Variants in HECW1 observed in about 807,000 individuals in gnomAD.
HECW1 encodes the protein E3 ubiquitin-protein ligase HECW1.
In HECW1, 61 loss-of-function variants were observed where a neutral mutation model predicts 182.3. The ratio of observed to expected loss-of-function variants is 0.33; its 90% confidence interval spans 0.27 to 0.41. The LOEUF is 0.41. HECW1 is among the 10% of genes least tolerant of loss of function. HECW1 has a pLI of 1.00. For synonymous variants in HECW1, 859 were observed against 832.6 expected, an observed-to-expected ratio of 1.03 and a Z score of -0.55; for missense variants, 1,739 against 2,108.9, an observed-to-expected ratio of 0.82 and a Z score of 3.44.
chr7:43,342,904 TAGTCCC>T (rs1813182158), intron 5 of HECW1, among the ~76,000 whole-genome samples: 2 of 151,416 alleles, frequency 1.3e-5, no homozygotes, highest in Non-Finnish European at 2.9e-5. Context: ...CAGGCATCTG[TAGTCCC>T]AGCTACTCAG....
chr7:43,501,174 C>CTTTT, intron 20 of HECW1, 39 bp from the exon 21 acceptor site: 2 of 1,159,900 alleles, frequency 1.7e-6, no homozygotes, highest in Non-Finnish European at 1.2e-6. Flanking sequence ...AACTGACTTT[C>CTTTT]TTTTCTTTCT....
chr7:43,348,452 T>A (rs1813967930), intron 5 of HECW1, among the ~76,000 whole-genome samples: 1 of 152,170 alleles, frequency 6.6e-6, no homozygotes, highest in Admixed American at 6.5e-5. Flanking sequence ...TATTTATCTT[T>A]TCAAAGAACC....
At chr7:43,452,999 G>A (rs371183033) in intron 12 of HECW1, among the ~76,000 whole-genome samples, 3 of 152,190 alleles carry the variant, frequency 2.0e-5, no homozygotes, top group East Asian at 1.9e-4. Flanking sequence ...TGTGGTTAGC[G>A]AACTAGCAAG....
intron 8 of HECW1, among the ~76,000 whole-genome samples, chr7:43,428,006 G>A (rs1017694241): frequency 1.3e-5 from 2 of 152,140 alleles, no homozygotes; most frequent in Non-Finnish European, 2.9e-5. Flanking sequence ...TCTAATCATG[G>A]CTTGGCATCC....
intron 2 of HECW1, chr7:43,238,975 C>T (rs969828261): frequency 1.3e-5 from 2 of 152,182 alleles, no homozygotes; most frequent in Non-Finnish European, 2.9e-5. Context: ...AATTTTATAT[C>T]TCCTGAAAAT....
chr7:43,271,169 T>G (rs982845124), intron 3 of HECW1, among the ~76,000 whole-genome samples: 1 of 152,200 alleles, frequency 6.6e-6, no homozygotes, highest in Non-Finnish European at 1.5e-5. Flanking sequence ...GTGGAAAACT[T>G]AACCAAGAAA....
At chr7:43,224,738 C>T (rs1239350214) in intron 2 of HECW1, among the ~76,000 whole-genome samples, 1 of 152,138 alleles carries the variant, frequency 6.6e-6, no homozygotes. Flanking sequence ...TCACCTGAGC[C>T]CAGGAGGTTG....
At chr7:43,237,616 A>T (rs1034956459) in intron 2 of HECW1, among the ~76,000 whole-genome samples, 4 of 152,238 alleles carry the variant, frequency 2.6e-5, no homozygotes, top group African/African-American at 4.8e-5. Context: ...CAAATGGGTT[A>T]ATATGTGTAA....
chr7:43,362,151 A>AAG (rs1225225550), intron 6 of HECW1, among the ~76,000 whole-genome samples: 66 of 144,440 alleles, frequency 4.6e-4, no homozygotes, highest in African/African-American at 1.6e-3. Flanking sequence ...AAAAAAAAAA[A>AAG]AGAGAGAGAG....
At chr7:43,331,855 C>T (rs1811538287) in intron 5 of HECW1, among the ~76,000 whole-genome samples, 1 of 152,080 alleles carries the variant, frequency 6.6e-6, no homozygotes, top group South Asian at 2.1e-4. Flanking sequence ...GCTTCAGCAC[C>T]ATGGCAGAGC....
At chr7:43,472,948 A>G (rs903862798) in intron 16 of HECW1, among the ~76,000 whole-genome samples, 3 of 152,194 alleles carry the variant, frequency 2.0e-5, no homozygotes, top group African/African-American at 7.2e-5. Context: ...TAGTTTGGAT[A>G]TGATTTGTTT....
chr7:43,149,904 A>G (rs1452012506), intron 2 of HECW1, among the ~76,000 whole-genome samples: 1 of 151,978 alleles, frequency 6.6e-6, no homozygotes, highest in East Asian at 1.9e-4. Flanking sequence ...AAAAAGTAAA[A>G]CTCAAACAAT....
Position 43,397,417 on chromosome 7 carries a change from C to A in HECW1, c.631+528C>A, listed in dbSNP as rs535830014. On this transcript the variant is annotated intron_variant, in intron 7 of 29. Coordinates refer to ENST00000395891, the MANE Select transcript of HECW1 (RefSeq NM_015052.5). The stretch of plus-strand genomic sequence containing the variant: ...ATGTACCATGGTTCCATCTGTCATG[C>A]ATGTCTGTGTGAAGAGAGTCCACCA... 3.1e-4 allele frequency among the ~76,000 whole-genome samples: 47 copies of A among 152,294 alleles called. 1 individual carries two copies. In the South Asian group the frequency reaches 9.1e-3, roughly 30 times the overall value.
chr7:43,242,426 G>A (rs1798974133), intron 2 of HECW1, among the ~76,000 whole-genome samples: 2 of 152,278 alleles, frequency 1.3e-5, no homozygotes, highest in South Asian at 4.1e-4. Context: ...AAGAGGACTG[G>A]AGAAAGAAAG....
At chr7:43,520,763 T>C (rs7810171) in intron 24 of HECW1, among the ~76,000 whole-genome samples, 101,032 of 151,990 alleles carry the variant, frequency 0.66, 35,703 homozygotes, top group East Asian at 0.87. Context: ...GGTGCCTGGT[T>C]CACTGAGCCC....
intron 8 of HECW1, among the ~76,000 whole-genome samples, chr7:43,429,315 T>TATATATATATATATATATAC (rs2076464639): frequency 1.0e-5 from 1 of 97,872 alleles, no homozygotes; most frequent in African/African-American, 3.4e-5. Context: ...TATATATATA[T>TATATATATATATATATATAC]ATATATATAT....
intron 7 of HECW1, among the ~76,000 whole-genome samples, chr7:43,400,869 T>C (rs2075382020): frequency 6.6e-6 from 1 of 152,208 alleles, no homozygotes; most frequent in African/African-American, 2.4e-5. Context: ...CTGGGGGCTC[T>C]GGTGCAAATC....
At chr7:43,200,768 T>G (rs1794951558) in intron 2 of HECW1, among the ~76,000 whole-genome samples, 1 of 152,224 alleles carries the variant, frequency 6.6e-6, no homozygotes, top group South Asian at 2.1e-4. Flanking sequence ...TTACCACTTC[T>G]GCCTCCCTGT....
At chr7:43,138,593 A>G (rs1394515343) in intron 2 of HECW1, among the ~76,000 whole-genome samples, 1 of 152,174 alleles carries the variant, frequency 6.6e-6, no homozygotes, top group Non-Finnish European at 1.5e-5. Context: ...TACCACCCCT[A>G]TAGAATCATC....
Sources: allele counts gnomAD v4.1 joint callset (sites outside exome capture counted in the v4.1 genomes callset), GRCh38; gene constraint gnomAD v4.1.1; transcripts MANE v1.5; gene names NCBI Gene and HGNC (gene_info 2026-07-23, HGNC 2026-07-21).